Variants in EYA2 observed in about 807,000 individuals in gnomAD.
EYA2 encodes EYA transcriptional coactivator and phosphatase 2, also known as protein phosphatase EYA2.
In EYA2, 31 loss-of-function variants were observed where a neutral mutation model predicts 69.2. The ratio of observed to expected loss-of-function variants is 0.45; its 90% CI spans 0.34 to 0.60. EYA2 has a LOEUF of 0.60. Among genes scored for constraint, EYA2 ranks in the 20% least tolerant of loss-of-function variants. The pLI is 0.02. For synonymous variants in EYA2, 257 were observed against 279.4 expected, an observed-to-expected ratio of 0.92 and a Z score of 0.80; for missense variants, 622 against 701.2, an observed-to-expected ratio of 0.89 and a Z score of 1.28.
At chr20:46,969,736 A>G (rs182649764) in intron 1 of EYA2, among the ~76,000 whole-genome samples, 25 of 151,812 alleles carry the variant, frequency 1.6e-4, no homozygotes, top group African/African-American at 5.6e-4. Flanking sequence ...CCCACAATGC[A>G]CTCTTTGGGG....
chr20:47,168,117 A>T (rs2034242476), intron 10 of EYA2, among the ~76,000 whole-genome samples: 1 of 152,068 alleles, frequency 6.6e-6, no homozygotes, highest in African/African-American at 2.4e-5. Flanking sequence ...CCTTGAAGCA[A>T]TCACTGTGGC....
chr20:47,000,904 T>G (rs533685549), intron 2 of EYA2, among the ~76,000 whole-genome samples: 143 of 152,196 alleles, frequency 9.4e-4, no homozygotes, highest in Non-Finnish European at 1.6e-3. Context: ...GGGAGGAACA[T>G]CAAAGCCATG....
intron 7 of EYA2, among the ~76,000 whole-genome samples, chr20:47,076,684 G>A (rs554522584): frequency 2.0e-5 from 3 of 152,244 alleles, no homozygotes; most frequent in African/African-American, 4.8e-5. Context: ...GAACTTTTAG[G>A]CATATCTAAC....
intron 4 of EYA2, among the ~76,000 whole-genome samples, chr20:47,009,774 C>CA (rs1315048391): frequency 1.3e-5 from 2 of 152,192 alleles, no homozygotes; most frequent in Non-Finnish European, 2.9e-5. Flanking sequence ...GTCTATGTCT[C>CA]AAAAAACTTT....
intron 10 of EYA2, among the ~76,000 whole-genome samples, chr20:47,154,788 T>C (rs2033887495): frequency 6.6e-6 from 1 of 150,976 alleles, no homozygotes; most frequent in Non-Finnish European, 1.5e-5. Context: ...TCTCTTTGGG[T>C]TTTTCTGATT....
intron 5 of EYA2, among the ~76,000 whole-genome samples, chr20:47,041,500 C>T (rs1300550124): frequency 1.3e-5 from 2 of 152,200 alleles, no homozygotes; most frequent in Non-Finnish European, 2.9e-5. Context: ...AAAAACCTAA[C>T]CCTAAACCTA....
At chr20:47,141,652 C>T (rs1600738821) in intron 9 of EYA2, among the ~76,000 whole-genome samples, 1 of 152,322 alleles carries the variant, frequency 6.6e-6, no homozygotes, top group African/African-American at 2.4e-5. Flanking sequence ...GAACCCAAGC[C>T]AACAGAATAT....
intron 1 of EYA2, among the ~76,000 whole-genome samples, chr20:46,909,079 A>G (rs558225384): frequency 1.1e-4 from 16 of 151,974 alleles, no homozygotes; most frequent in African/African-American, 3.4e-4. Context: ...ATCATGGGGA[A>G]AGGCAAGATG....
intron 1 of EYA2, chr20:46,978,233 G>A (rs934602202): frequency 2.4e-5 from 5 of 209,130 alleles, no homozygotes; most frequent in African/African-American, 1.1e-4. Context: ...TTGTTAGTAG[G>A]GTCAGTCCCA....
intron 5 of EYA2, among the ~76,000 whole-genome samples, chr20:47,018,852 G>A (rs1216310899): frequency 6.6e-6 from 1 of 152,204 alleles, no homozygotes. Flanking sequence ...TCAGAGCTGG[G>A]ATTCAGACTC....
chr20:46,952,719 G>A (rs1184716799), intron 1 of EYA2, among the ~76,000 whole-genome samples: 2 of 152,224 alleles, frequency 1.3e-5, no homozygotes, highest in Non-Finnish European at 2.9e-5. Flanking sequence ...CTGGCAGGCT[G>A]AGGCCTGCGA....
chr20:47,119,303 C>T (rs1430914931), intron 9 of EYA2, among the ~76,000 whole-genome samples: 2 of 152,216 alleles, frequency 1.3e-5, no homozygotes, highest in African/African-American at 4.8e-5. Context: ...ACCATGCCTG[C>T]TTCCCACACT....
chr20:47,057,171 A>G (rs1369779180), intron 5 of EYA2, among the ~76,000 whole-genome samples: 7 of 142,218 alleles, frequency 4.9e-5, no homozygotes, highest in Non-Finnish European at 1.6e-5. Context: ...GGAAGGAAGG[A>G]AGGAAGGAAG....
intron 6 of EYA2, among the ~76,000 whole-genome samples, chr20:47,073,543 A>G (rs2031396405): frequency 3.3e-5 from 5 of 151,774 alleles, no homozygotes; most frequent in Admixed American, 3.3e-4. Flanking sequence ...TTGTTTATTA[A>G]TTTAACCAGT....
chr20:47,164,207 G>A (rs1183618006), intron 10 of EYA2, among the ~76,000 whole-genome samples: 4 of 152,160 alleles, frequency 2.6e-5, no homozygotes, highest in African/African-American at 7.2e-5. Context: ...GCTCCCCTCC[G>A]AGCTGGCTCA....
intron 5 of EYA2, among the ~76,000 whole-genome samples, chr20:47,051,268 C>T (rs903858926): frequency 1.3e-5 from 2 of 152,230 alleles, no homozygotes; most frequent in Non-Finnish European, 2.9e-5. Flanking sequence ...TCAAAACAGC[C>T]CCATAGGCGG....
chr20:46,961,133 G>A (rs1441764888), intron 1 of EYA2, among the ~76,000 whole-genome samples: 1 of 152,156 alleles, frequency 6.6e-6, no homozygotes, highest in African/African-American at 2.4e-5. Context: ...TTAGGAATTC[G>A]AGACCAGCCT....
chr20:46,950,545 A>C (rs1168628259), intron 1 of EYA2, among the ~76,000 whole-genome samples: 1 of 152,188 alleles, frequency 6.6e-6, no homozygotes, highest in Non-Finnish European at 1.5e-5. Flanking sequence ...AGGGGCAGGA[A>C]AGCCCAAACT....
chr20:47,019,827 G>T (rs558756685), intron 5 of EYA2, among the ~76,000 whole-genome samples: 5 of 151,704 alleles, frequency 3.3e-5, no homozygotes, highest in Non-Finnish European at 5.9e-5. Flanking sequence ...AAATTATCTG[G>T]GCATGGTGAT....
Sources: gnomAD v4.1 joint callset for allele counts (sites outside exome capture counted in the v4.1 genomes callset) on GRCh38, gnomAD v4.1.1 for gene constraint, MANE v1.5 for transcripts, NCBI Gene and HGNC (gene_info 2026-07-23, HGNC 2026-07-21) for gene names.